The following GPHN variants were observed in gnomAD, a reference collection of about 807,000 sequenced individuals.
GPHN encodes gephyrin.
In GPHN, 17 loss-of-function variants were observed where a neutral mutation model predicts 95.5. The observed-to-expected ratio is 0.18, with a 90% CI of 0.12 to 0.27. The LOEUF is 0.27. Ranked by LOEUF, GPHN falls within the 10% of genes least tolerant of loss-of-function variation. The pLI is 1.00. For synonymous variants in GPHN, 320 were observed against 322.5 expected (o/e 0.99, Z 0.08); for missense variants, 660 against 978.1 (o/e 0.67, Z 4.34).
At chr14:66,870,157 T>A (rs1404997707) in intron 4 of GPHN, among the ~76,000 whole-genome samples, 1 of 152,208 alleles carries the variant, frequency 6.6e-6, no homozygotes, top group Non-Finnish European at 1.5e-5. Context: ...GTAAAATGTT[T>A]GATACAAACG....
the GPHN span, among the ~76,000 whole-genome samples, chr14:67,218,210 G>A: frequency 2.6e-5 from 4 of 152,156 alleles, no homozygotes; most frequent in Non-Finnish European, 5.9e-5. Context: ...GGGGCCATGG[G>A]GCTGTTACTG....
chr14:67,022,872 C>T (rs2073731578), intron 9 of GPHN, among the ~76,000 whole-genome samples: 1 of 151,786 alleles, frequency 6.6e-6, no homozygotes, highest in African/African-American at 2.4e-5. Flanking sequence ...ATGTTAATGA[C>T]ATGTACCATG....
chr14:67,525,203 A>T, the GPHN span, among the ~76,000 whole-genome samples: 1 of 152,314 alleles, frequency 6.6e-6, no homozygotes, highest in East Asian at 1.9e-4. Context: ...CTCTGGGAAA[A>T]ATAATTCTAC....
intron 1 of GPHN, among the ~76,000 whole-genome samples, chr14:66,520,820 G>C (rs1293296770): frequency 6.6e-6 from 1 of 151,804 alleles, no homozygotes; most frequent in Non-Finnish European, 1.5e-5. Flanking sequence ...TACTAAGCCT[G>C]GTACCCAATA....
chr14:66,630,048 G>A (rs181087721), intron 1 of GPHN, among the ~76,000 whole-genome samples: 25 of 152,190 alleles, frequency 1.6e-4, no homozygotes, highest in Admixed American at 3.9e-4. Context: ...GTTAAATATT[G>A]ATGGGGGAAG....
At chr14:67,364,617 C>A in the GPHN span, 1 of 714,000 alleles carries the variant, frequency 1.4e-6, no homozygotes, top group Non-Finnish European at 2.2e-6. Context: ...TTTTCTGGTA[C>A]CACTTAAGAA....
At chr14:66,675,014 G>T (rs2066506137) in intron 1 of GPHN, among the ~76,000 whole-genome samples, 1 of 152,124 alleles carries the variant, frequency 6.6e-6, no homozygotes, top group South Asian at 2.1e-4. Flanking sequence ...CATTCTGACT[G>T]GGGTGAGATG....
At chr14:67,224,500 T>G in the GPHN span, 1 of 171,280 alleles carries the variant, frequency 5.8e-6, no homozygotes, top group East Asian at 1.8e-4. Context: ...GACCTCATGA[T>G]CCGCCCACCT....
In GPHN at chr14:66,508,265, C is replaced by A; in HGVS notation, c.-263C>A. On this transcript the variant is annotated 5_prime_UTR_variant, in exon 1 of 23. Coordinates refer to ENST00000478722, the MANE Select transcript of GPHN (RefSeq NM_020806.5). ...GCTCTCCCCGTGCGGCCACCGCGCC[C>A]CCCAAGCTTGCCTCCTTCTTGCCGG... 3 of 571,898 alleles carry A rather than the reference C, an allele frequency of 5.2e-6. No homozygotes were observed. The allele number at this position is 571,898 out of a possible 1,614,324, so 35.4% of individuals were successfully genotyped here.
the GPHN span, among the ~76,000 whole-genome samples, chr14:67,194,557 G>A: frequency 4.6e-4 from 70 of 152,028 alleles, no homozygotes; most frequent in Admixed American, 2.6e-4. Flanking sequence ...ACAGGCTAGA[G>A]TGCAGTGGCA....
At chr14:67,030,925 A>AC (rs1456401552) in intron 10 of GPHN, among the ~76,000 whole-genome samples, 3 of 152,216 alleles carry the variant, frequency 2.0e-5, no homozygotes, top group African/African-American at 7.2e-5. Flanking sequence ...TAAATAAGAA[A>AC]CCAGTATGGG....
the GPHN span, among the ~76,000 whole-genome samples, chr14:67,662,145 G>C: frequency 6.7e-6 from 1 of 150,356 alleles, no homozygotes; most frequent in Non-Finnish European, 1.5e-5. Context: ...AACAGAGCGA[G>C]ACTCTGTCTC....
the GPHN span, chr14:67,733,933 T>G: frequency 9.9e-7 from 1 of 1,007,736 alleles, no homozygotes; most frequent in Non-Finnish European, 1.5e-6. Context: ...TAAAGGATTG[T>G]CCTCTTGGCC....
chr14:67,061,661 C>T (rs1383069187), intron 11 of GPHN, among the ~76,000 whole-genome samples: 1 of 152,056 alleles, frequency 6.6e-6, no homozygotes, highest in Admixed American at 6.6e-5. Flanking sequence ...TCTCTCTTAC[C>T]TCTAAGGCTT....
At chr14:67,569,970 C>G in the GPHN span, 1 of 1,609,534 alleles carries the variant, frequency 6.2e-7, no homozygotes, top group Non-Finnish European at 8.5e-7. Flanking sequence ...CTGGCCTGGT[C>G]TACAAGAATG....
At chr14:67,640,044 A>G in the GPHN span, among the ~76,000 whole-genome samples, 1 of 152,054 alleles carries the variant, frequency 6.6e-6, no homozygotes, top group African/African-American at 2.4e-5. Flanking sequence ...TTAAGTCTAA[A>G]GTATCCTCTC....
intron 2 of GPHN, among the ~76,000 whole-genome samples, chr14:66,750,191 T>C (rs1595778148): frequency 6.6e-6 from 1 of 152,068 alleles, no homozygotes; most frequent in East Asian, 1.9e-4. Context: ...ATTCTTCTAT[T>C]CTAGGAGTTT....
chr14:67,229,197 C>A, the GPHN span, among the ~76,000 whole-genome samples: 1 of 152,190 alleles, frequency 6.6e-6, no homozygotes, highest in Non-Finnish European at 1.5e-5. Flanking sequence ...CCAAGCTAAA[C>A]GCAAATTTGC....
At chr14:67,205,065 A>G in the GPHN span, 1 of 1,551,210 alleles carries the variant, frequency 6.4e-7, no homozygotes, top group Non-Finnish European at 8.7e-7. Context: ...ACAATGACTT[A>G]ATCAGGGCCA....
Sources: allele counts gnomAD v4.1 joint callset (sites outside exome capture counted in the v4.1 genomes callset), GRCh38; gene constraint gnomAD v4.1.1; transcripts MANE v1.5; gene names NCBI Gene and HGNC (gene_info 2026-07-23, HGNC 2026-07-21).